The following SAMHD1 variants were observed in gnomAD, a reference collection of about 807,000 sequenced individuals.
The protein encoded by SAMHD1 is deoxynucleoside triphosphate triphosphohydrolase SAMHD1.
Under a neutral mutation model 79.6 loss-of-function variants are expected in SAMHD1, and 54 were observed. That is an observed-to-expected ratio of 0.68 (90% CI 0.55 to 0.85). The LOEUF is 0.85. Among genes scored for constraint, SAMHD1 ranks in the 40% least tolerant of loss-of-function variants. The pLI is 0.00. For synonymous variants in SAMHD1, 260 were observed against 264.1 expected, an observed-to-expected ratio of 0.98 and a Z score of 0.15; for missense variants, 663 against 782.7, an observed-to-expected ratio of 0.85 and a Z score of 1.82.
intron 3 of SAMHD1, chr20:36,940,712 G>A (rs560023296): frequency 2.0e-4 from 67 of 341,996 alleles, no homozygotes; most frequent in South Asian, 1.8e-3. Context: ...AAAAAAAAAA[G>A]AATGTACAAA....
rs775653155 is a variant in SAMHD1 at position 36,951,654 on chromosome 20, G to A, written c.-11C>T. On this transcript the variant is annotated 5_prime_UTR_variant, in exon 1 of 16. Transcript: ENST00000646673. ...ATCGGCTCGCTGCATGGCTACACCT[G>A]GCGTCCGGCACAGCAGTCAAGAACC... The A allele has an allele frequency of 2.5e-6, 4 of 1,612,802 alleles. No individual in the cohort carries two copies. The South Asian group carries it at 3.3e-5, about 13-fold the overall frequency.
intron 6 of SAMHD1, among the ~76,000 whole-genome samples, chr20:36,922,205 G>A (rs1483720275): frequency 6.6e-6 from 1 of 152,074 alleles, no homozygotes; most frequent in African/African-American, 2.4e-5. Flanking sequence ...TTCTGGACCA[G>A]GGAAAAAAAG....
chr20:36,894,189 A>G (rs1416967949), intron 15 of SAMHD1: 3 of 380,586 alleles, frequency 7.9e-6, no homozygotes, highest in Non-Finnish European at 1.4e-5. Flanking sequence ...CTGTTGAACT[A>G]CACTGGATCT....
intron 11 of SAMHD1, among the ~76,000 whole-genome samples, chr20:36,909,680 C>CAA (rs56389967): frequency 0.025 from 3,004 of 119,948 alleles, 48 homozygotes; most frequent in African/African-American, 0.042. Context: ...CACCCCCCTC[C>CAA]AAAAAAAAAA....
In SAMHD1 at chr20:36,920,605, A is replaced by T. The variant is rs538085922; in HGVS notation, c.697-1086T>A. On this transcript the variant is annotated intron_variant, in intron 6 of 15. Coordinates refer to ENST00000646673, the MANE Select transcript of SAMHD1 (RefSeq NM_015474.4). ...GGCAAAACCTCCTGTCTACTAAAAA[A>T]TACAAAAATTAGCCAGGCATGGTAG... Among the ~76,000 whole-genome samples the T allele has an allele frequency of 3.3e-5, 5 of 152,182 alleles. No individual in the cohort carries two copies. In the East Asian group the frequency reaches 7.7e-4, roughly 24 times the overall value.
At chr20:36,932,295 G>A (rs2063572219) in intron 4 of SAMHD1, among the ~76,000 whole-genome samples, 1 of 143,982 alleles carries the variant, frequency 6.9e-6, no homozygotes, top group Non-Finnish European at 1.5e-5. Context: ...AGGTTGTGGT[G>A]AGCCGAGATT....
intron 9 of SAMHD1, among the ~76,000 whole-genome samples, chr20:36,916,003 CAAA>C (rs1261245621): frequency 6.6e-6 from 1 of 151,566 alleles, no homozygotes; most frequent in Non-Finnish European, 1.5e-5. Context: ...ACTAAAAATA[CAAA>C]AAAAATTAGC....
At chr20:36,901,907 T>C (rs1990313276) in intron 13 of SAMHD1, among the ~76,000 whole-genome samples, 1 of 152,222 alleles carries the variant, frequency 6.6e-6, no homozygotes, top group Non-Finnish European at 1.5e-5. Flanking sequence ...ACAACACTTC[T>C]CTAGAACACA....
intron 11 of SAMHD1, 31 bp from the exon 12 acceptor site, chr20:36,905,534 A>G: frequency 6.4e-7 from 1 of 1,553,806 alleles, no homozygotes; most frequent in Non-Finnish European, 8.9e-7. Context: ...CAGTTATATT[A>G]AAATAAAAAC....
rs570356038 is a variant in SAMHD1 at position 36,925,399 on chromosome 20, A to C, written c.696+1783T>G. On this transcript the variant is annotated intron_variant, in intron 6 of 15. Coordinates refer to ENST00000646673, the MANE Select transcript of SAMHD1 (RefSeq NM_015474.4). ...TTAGACCTCAATACTTAGAAGGGAG[A>C]GGTGCTGGGTGACATTCCGGTTTTA... Among the ~76,000 whole-genome samples, 4 of 152,306 alleles carry C rather than the reference A, an allele frequency of 2.6e-5. No homozygotes were observed. In the East Asian group the frequency reaches 7.7e-4, roughly 29 times the overall value.
In SAMHD1 at chr20:36,930,752, C is replaced by T. The variant is rs537246518; in HGVS notation, c.625+8G>A. On this transcript the variant is annotated splice_region_variant and intron_variant, in intron 5 of 15. Transcript: ENST00000646673. ...TACATAACAACTTTGTCTCTTTGTA[C>T]AGCTTACCGAGATCATGACAAAGTC... 5 of 1,584,392 alleles carry T rather than the reference C, an allele frequency of 3.2e-6. No homozygotes were observed. The highest frequency in any genetic ancestry group is 8.7e-7 in the Non-Finnish European group (1 of 1,153,244).
rs1444457672 is a variant in SAMHD1 at position 36,892,814 on chromosome 20, G to A, written c.*118C>T. On this transcript the variant is annotated 3_prime_UTR_variant, in exon 16 of 16. Coordinates refer to ENST00000646673, the MANE Select transcript of SAMHD1 (RefSeq NM_015474.4). ...AAAGTTACTTAGCTTCAGCATGCGT[G>A]TACATTCAAAATACAAAATTAAAGC... is the stretch of plus-strand genomic sequence containing the variant. 10 of 1,316,554 alleles carry A rather than the reference G, an allele frequency of 7.6e-6. No homozygotes were observed. Among genetic ancestry groups the A allele is most frequent in the Non-Finnish European group, 1.1e-5 (10 of 909,436 alleles). The allele number at this position is 1,316,554 out of a possible 1,614,324, so 81.6% of individuals were successfully genotyped here. A position where few individuals can be genotyped will look rare whatever the true frequency, so the allele number is the denominator to read the frequency against.
Position 36,946,729 on chromosome 20 carries a change from C to G in SAMHD1, c.275+9G>C, listed in dbSNP as rs763934219. 2 of 1,604,680 alleles carry G rather than the reference C, an allele frequency of 1.2e-6. No homozygotes were observed. Among genetic ancestry groups the G allele is most frequent in the Non-Finnish European group, 1.7e-6 (2 of 1,172,438 alleles). On this transcript the variant is annotated intron_variant, in intron 2 of 15. Transcript: ENST00000646673. ...TGGTTATAACGTGAATTTATTTCTTCATTCTTACCTTACTCCAAGATTTTC... is the reference window on the plus strand; with the variant it reads ...TGGTTATAACGTGAATTTATTTCTTGATTCTTACCTTACTCCAAGATTTTC...
At chr20:36,903,551 T>C (rs1343201959) in intron 13 of SAMHD1, among the ~76,000 whole-genome samples, 1 of 67,856 alleles carries the variant, frequency 1.5e-5, no homozygotes, top group Non-Finnish European at 3.3e-5. Flanking sequence ...TTTTTTTTTC[T>C]TTTTCTTTTT....
At chr20:36,941,658 T>C (rs931136571) in intron 2 of SAMHD1, among the ~76,000 whole-genome samples, 2 of 152,106 alleles carry the variant, frequency 1.3e-5, no homozygotes, top group African/African-American at 4.8e-5. Flanking sequence ...CAATTACTAG[T>C]TGGGCCCAGC....
At chr20:36,941,957 G>A (rs2063647227) in intron 2 of SAMHD1, among the ~76,000 whole-genome samples, 1 of 152,130 alleles carries the variant, frequency 6.6e-6, no homozygotes, top group African/African-American at 2.4e-5. Context: ...GACATAACAA[G>A]CACAGTGTAA....
intron 15 of SAMHD1, chr20:36,894,037 C>A: frequency 2.5e-6 from 1 of 397,414 alleles, no homozygotes; most frequent in South Asian, 1.3e-4. Context: ...TTGCAGGTGG[C>A]CCCAGCTCCT....
intron 3 of SAMHD1, 62 bp from the exon 4 acceptor site, chr20:36,935,251 C>T: frequency 1.5e-6 from 2 of 1,344,966 alleles, no homozygotes; most frequent in Non-Finnish European, 2.1e-6. Context: ...AATTTGTGTG[C>T]AGCCATTCCT....
chr20:36,911,907 G>C (rs2063442996), intron 10 of SAMHD1: 1 of 176,302 alleles, frequency 5.7e-6, no homozygotes, highest in African/African-American at 2.4e-5. Context: ...CCCAGTGTTT[G>C]ATAACTCCTT....
Sources: allele counts gnomAD v4.1 joint callset (sites outside exome capture counted in the v4.1 genomes callset), GRCh38; gene constraint gnomAD v4.1.1; transcripts MANE v1.5; gene names NCBI Gene and HGNC (gene_info 2026-07-23, HGNC 2026-07-21).